Variants in CEP97 observed in about 807,000 individuals in gnomAD.
CEP97 encodes centrosomal protein of 97 kDa.
In CEP97, 43 loss-of-function variants were observed where a neutral mutation model predicts 73.1. The observed-to-expected ratio is 0.59, with a 90% CI of 0.46 to 0.76. The LOEUF is 0.76. Ranked by LOEUF, CEP97 falls within the 30% of genes least tolerant of loss-of-function variation. The probability of loss-of-function intolerance (pLI) is 0.00; values close to 1 mark genes in which losing one functional copy is unlikely to be tolerated. For missense variants in CEP97, 939 were observed against 1,014.0 expected (o/e 0.93, Z 1.00); for synonymous variants, 337 against 370.0 (o/e 0.91, Z 1.02).
chr3:101,740,835 C>T (rs545042143), intron 6 of CEP97, among the ~76,000 whole-genome samples: 40 of 152,290 alleles, frequency 2.6e-4, no homozygotes, highest in African/African-American at 7.7e-4. Context: ...GTGATCCACC[C>T]GCCTCGGCCT....
At chr3:101,762,658 T>C in intron 10 of CEP97, 98 bp downstream of exon 10, 1 of 850,614 alleles carries the variant, frequency 1.2e-6, no homozygotes. Context: ...TAAGCACTCT[T>C]GTTCAAGGTT....
At chr3:101,744,583 CAA>C (rs530099390) in intron 6 of CEP97, among the ~76,000 whole-genome samples, 30 of 79,746 alleles carry the variant, frequency 3.8e-4, no homozygotes, top group Admixed American at 2.7e-4. Context: ...AACTCTGTCT[CAA>C]AAAAAAAAAA....
intron 4 of CEP97, among the ~76,000 whole-genome samples, chr3:101,729,682 C>T (rs1316517600): frequency 6.6e-6 from 1 of 152,122 alleles, no homozygotes; most frequent in African/African-American, 2.4e-5. Context: ...ATCCTCTCAC[C>T]TTAGCCTCCC....
At chr3:101,742,183 C>A (rs1045484694) in intron 6 of CEP97, among the ~76,000 whole-genome samples, 2 of 152,104 alleles carry the variant, frequency 1.3e-5, no homozygotes, top group Admixed American at 1.3e-4. Flanking sequence ...GTGGCAATTC[C>A]TCAAGGACCT....
intron 6 of CEP97, among the ~76,000 whole-genome samples, chr3:101,733,945 G>A (rs1938198417): frequency 6.6e-6 from 1 of 152,176 alleles, no homozygotes; most frequent in South Asian, 2.1e-4. Context: ...TTCTGCCTCA[G>A]CCTCCCAAGT....
intron 6 of CEP97, 27 bp downstream of exon 6, chr3:101,732,681 A>G (rs748508933): frequency 3.2e-6 from 5 of 1,562,292 alleles, no homozygotes; most frequent in African/African-American, 2.7e-5. Flanking sequence ...TAACATCACA[A>G]ATGTTACTGA....
intron 6 of CEP97, among the ~76,000 whole-genome samples, chr3:101,751,171 C>T (rs1488936181): frequency 1.3e-5 from 2 of 152,132 alleles, no homozygotes; most frequent in African/African-American, 2.4e-5. Flanking sequence ...TCGTTATGTA[C>T]CCAGTAGTCA....
chr3:101,764,848 TAA>T lies in CEP97; in HGVS notation c.1896_1897del (p.Arg633ValfsTer19). The T allele has an allele frequency of 6.3e-7, 1 of 1,590,980 alleles. No homozygotes were observed. The highest frequency in any genetic ancestry group is 8.5e-7 in the Non-Finnish European group (1 of 1,172,884). On this transcript the variant is annotated frameshift_variant and splice_region_variant, in exon 11 of 11. Coordinates refer to ENST00000341893, the MANE Select transcript of CEP97 (RefSeq NM_024548.4). LOFTEE classifies it low-confidence loss of function (END_TRUNC). ...ACAACTGTATTCTCTGGTTTATAGG[TAA>T]GGTCTCTACAGGTTTGGCAACAGAC...
At position 101,765,212 on chromosome 3, in the gene CEP97, A is replaced by G; in HGVS notation, c.2259A>G (p.Glu753=). 3.1e-6 allele frequency: 5 copies of G among 1,614,230 alleles called. No homozygotes were observed. ...GKESDLGDVS[E]EHGEWNKESS... is the part of the protein sequence containing the mutation. ...AATCAGATTTAGGGGATGTTAGTGA[A>G]GAACATGGTGAATGGAATAAGGAAA... The change falls in exon 11 of 11, where the codon GAA becomes GAG. Residue 753 remains glutamate (E), a synonymous_variant. Coordinates refer to ENST00000341893, the MANE Select transcript of CEP97 (RefSeq NM_024548.4).
At chr3:101,734,770 C>T (rs1938222176) in intron 6 of CEP97, among the ~76,000 whole-genome samples, 1 of 152,154 alleles carries the variant, frequency 6.6e-6, no homozygotes, top group Admixed American at 6.6e-5. Flanking sequence ...ATCCTCTGTA[C>T]AGTTGTTGAC....
chr3:101,754,125 C>T (rs1938937138), intron 6 of CEP97, among the ~76,000 whole-genome samples: 1 of 140,848 alleles, frequency 7.1e-6, no homozygotes, highest in South Asian at 2.3e-4. Flanking sequence ...TGGGCTCAAG[C>T]AATCCTCCCA....
chr3:101,737,085 G>A (rs1938303259), intron 6 of CEP97, among the ~76,000 whole-genome samples: 1 of 152,154 alleles, frequency 6.6e-6, no homozygotes, highest in Admixed American at 6.5e-5. Context: ...AGGAAGCAAG[G>A]ATATCAGAGA....
chr3:101,727,511 A>G lies in CEP97; in HGVS notation c.315A>G (p.Glu105=), dbSNP rs1408433094. ...VEGLKELVHL[E]WLNLAGNNLK... is the part of the protein sequence containing the mutation. ...GGCTAAAGGAACTAGTACATCTGGAATGGCTGAATTTGGCAGGAAATAATC... is the reference window on the plus strand; with the variant it reads ...GGCTAAAGGAACTAGTACATCTGGAGTGGCTGAATTTGGCAGGAAATAATC... Residue 105 remains glutamate (E), a synonymous_variant, in exon 3 of 11, where the codon GAA becomes GAG. Coordinates refer to ENST00000341893, the MANE Select transcript of CEP97 (RefSeq NM_024548.4). The G allele has an allele frequency of 1.9e-6, 3 of 1,611,818 alleles. No individual in the cohort carries two copies. Among genetic ancestry groups the G allele is most frequent in the South Asian group, 2.2e-5 (2 of 90,384 alleles).
At chr3:101,754,045 T>C (rs1195243598) in intron 6 of CEP97, among the ~76,000 whole-genome samples, 12 of 59,498 alleles carry the variant, frequency 2.0e-4, no homozygotes, top group Admixed American at 1.5e-3. Flanking sequence ...TGGCCATCTT[T>C]TTTTTTTTTT....
chr3:101,746,238 C>A (rs1289321981), intron 6 of CEP97, among the ~76,000 whole-genome samples: 1 of 152,104 alleles, frequency 6.6e-6, no homozygotes, highest in Admixed American at 6.6e-5. Flanking sequence ...GTCTTTATAG[C>A]AGCATGATTT....
At chr3:101,728,391 C>G (rs376865796) in intron 3 of CEP97, among the ~76,000 whole-genome samples, 2 of 151,788 alleles carry the variant, frequency 1.3e-5, no homozygotes, top group African/African-American at 2.4e-5. Flanking sequence ...TCAAGAGTAA[C>G]TGGGATTACA....
intron 6 of CEP97, among the ~76,000 whole-genome samples, chr3:101,751,474 C>T (rs1938818234): frequency 6.6e-6 from 1 of 152,258 alleles, no homozygotes; most frequent in Non-Finnish European, 1.5e-5. Flanking sequence ...TGCTTGTTAA[C>T]TTTCTGTCTA....
At chr3:101,733,825 C>G (rs1176813153) in intron 6 of CEP97, among the ~76,000 whole-genome samples, 1 of 147,736 alleles carries the variant, frequency 6.8e-6, no homozygotes, top group African/African-American at 2.5e-5. Flanking sequence ...CCACCGCGCC[C>G]AGCCTTTTTA....
intron 6 of CEP97, among the ~76,000 whole-genome samples, chr3:101,741,856 A>G (rs1341244927): frequency 2.6e-5 from 4 of 152,098 alleles, no homozygotes; most frequent in African/African-American, 9.7e-5. Flanking sequence ...CCTGACCAAC[A>G]TGGTGAAACC....
Sources: allele counts gnomAD v4.1 joint callset (sites outside exome capture counted in the v4.1 genomes callset), GRCh38; gene constraint gnomAD v4.1.1; transcripts MANE v1.5; gene names NCBI Gene and HGNC (gene_info 2026-07-23, HGNC 2026-07-21).